The following ASIC2 variants were observed in gnomAD, a reference collection of about 807,000 sequenced individuals.
The protein encoded by ASIC2 is acid-sensing ion channel 2.
A neutral mutation model predicts 57.3 loss-of-function variants in ASIC2; 25 were observed. That is an observed-to-expected ratio of 0.44 (90% CI 0.32 to 0.61). The LOEUF is 0.61. Ranked by LOEUF, ASIC2 falls within the 20% of genes least tolerant of loss-of-function variation. ASIC2 has a pLI of 0.06. For synonymous variants in ASIC2, 319 were observed against 307.5 expected, an observed-to-expected ratio of 1.04 and a Z score of -0.39; for missense variants, 641 against 738.1, an observed-to-expected ratio of 0.87 and a Z score of 1.52.
intron 3 of ASIC2, among the ~76,000 whole-genome samples, chr17:33,056,575 C>T (rs2091998913): frequency 6.6e-6 from 1 of 152,118 alleles, no homozygotes; most frequent in Admixed American, 6.6e-5. Flanking sequence ...CTGACATCCC[C>T]ACTGTAATGT....
chr17:33,917,928 G>A (rs1033670077), intron 1 of ASIC2, among the ~76,000 whole-genome samples: 3 of 143,220 alleles, frequency 2.1e-5, no homozygotes, highest in African/African-American at 8.2e-5. Flanking sequence ...ACTGAATAAC[G>A]TGAACTCTCA....
At chr17:33,149,067 G>A (rs1032239693) in intron 1 of ASIC2, among the ~76,000 whole-genome samples, 5 of 152,068 alleles carry the variant, frequency 3.3e-5, no homozygotes, top group Admixed American at 6.5e-5. Flanking sequence ...GCACTCCAGC[G>A]TGGGTGACAG....
intron 1 of ASIC2, among the ~76,000 whole-genome samples, chr17:33,602,912 TCCAGAGC>T (rs1905144446): frequency 6.6e-6 from 1 of 152,194 alleles, no homozygotes; most frequent in African/African-American, 2.4e-5. Context: ...TGTTTTATCC[TCCAGAGC>T]CCACTCTAGA....
chr17:33,068,718 G>A (rs976630431), intron 3 of ASIC2, among the ~76,000 whole-genome samples: 1 of 152,116 alleles, frequency 6.6e-6, no homozygotes, highest in East Asian at 1.9e-4. Flanking sequence ...CACTTTTAAT[G>A]ATAACTTGTG....
At chr17:33,800,380 G>C (rs1183898390) in intron 1 of ASIC2, among the ~76,000 whole-genome samples, 1 of 152,172 alleles carries the variant, frequency 6.6e-6, no homozygotes, top group African/African-American at 2.4e-5. Flanking sequence ...TATGACTCCA[G>C]AGTTTCTGTG....
chr17:34,087,230 T>C (rs370536905), intron 1 of ASIC2, among the ~76,000 whole-genome samples: 2 of 151,884 alleles, frequency 1.3e-5, no homozygotes, highest in South Asian at 2.1e-4. Context: ...TTTAGGGCAG[T>C]CCTGGTGGTG....
chr17:34,073,294 A>C (rs961300357), intron 1 of ASIC2, among the ~76,000 whole-genome samples: 3 of 152,236 alleles, frequency 2.0e-5, no homozygotes, highest in African/African-American at 7.2e-5. Flanking sequence ...AGAAATGTAC[A>C]AGTATGTCTA....
chr17:33,770,314 C>A (rs921771436), intron 1 of ASIC2, among the ~76,000 whole-genome samples: 3 of 152,184 alleles, frequency 2.0e-5, no homozygotes, highest in Admixed American at 1.3e-4. Flanking sequence ...CTCCCTGACC[C>A]CTAGTGTCTT....
intron 1 of ASIC2, among the ~76,000 whole-genome samples, chr17:34,111,603 T>G (rs190661026): frequency 6.6e-6 from 1 of 152,192 alleles, no homozygotes; most frequent in African/African-American, 2.4e-5. Context: ...TTGACACTTA[T>G]TGTTTTTGAT....
intron 1 of ASIC2, among the ~76,000 whole-genome samples, chr17:33,370,305 C>G (rs1300669150): frequency 1.3e-5 from 2 of 152,192 alleles, no homozygotes; most frequent in African/African-American, 2.4e-5. Flanking sequence ...CAAAGAACAC[C>G]ACCCCCAACC....
intron 1 of ASIC2, among the ~76,000 whole-genome samples, chr17:33,621,276 T>G (rs1359596648): frequency 6.6e-6 from 1 of 152,226 alleles, no homozygotes; most frequent in African/African-American, 2.4e-5. Context: ...CCTTGTCTAT[T>G]TAATTTACCA....
At chr17:33,226,854 A>T (rs1173339690) in intron 1 of ASIC2, among the ~76,000 whole-genome samples, 1 of 152,226 alleles carries the variant, frequency 6.6e-6, no homozygotes, top group Non-Finnish European at 1.5e-5. Flanking sequence ...ATTTTCTAGT[A>T]GTCCTTAAGA....
intron 1 of ASIC2, among the ~76,000 whole-genome samples, chr17:33,892,460 C>T (rs1207103296): frequency 6.6e-6 from 1 of 152,050 alleles, no homozygotes; most frequent in African/African-American, 2.4e-5. Flanking sequence ...CACCTGGCAA[C>T]CTCCTCATCA....
chr17:33,274,258 C>G (rs1359041240), intron 1 of ASIC2, among the ~76,000 whole-genome samples: 1 of 152,220 alleles, frequency 6.6e-6, no homozygotes, highest in Non-Finnish European at 1.5e-5. Context: ...GAAACCAAGT[C>G]TGCTCCAACA....
At chr17:33,313,969 A>G (rs560656129) in intron 1 of ASIC2, among the ~76,000 whole-genome samples, 1 of 151,784 alleles carries the variant, frequency 6.6e-6, no homozygotes, top group African/African-American at 2.4e-5. Flanking sequence ...CTCACAGAGG[A>G]TGTGTTATTT....
chr17:33,385,913 G>T (rs899014981), intron 1 of ASIC2, among the ~76,000 whole-genome samples: 6 of 152,216 alleles, frequency 3.9e-5, no homozygotes, highest in African/African-American at 1.4e-4. Context: ...TGAGCCAGGG[G>T]CTCTTATGAT....
chr17:33,046,206 C>G (rs1311204299), intron 3 of ASIC2, among the ~76,000 whole-genome samples: 1 of 152,106 alleles, frequency 6.6e-6, no homozygotes, highest in Non-Finnish European at 1.5e-5. Context: ...GTGACAAGGG[C>G]AGGGGATTGG....
intron 3 of ASIC2, among the ~76,000 whole-genome samples, chr17:33,067,921 C>A (rs1271722055): frequency 6.6e-6 from 1 of 152,156 alleles, no homozygotes; most frequent in Non-Finnish European, 1.5e-5. Flanking sequence ...CCCTGCAGAG[C>A]AGCCTGGGCC....
chr17:33,373,714 G>C (rs927293056), intron 1 of ASIC2, among the ~76,000 whole-genome samples: 1 of 151,868 alleles, frequency 6.6e-6, no homozygotes, highest in African/African-American at 2.4e-5. Context: ...GTCTTGCTCT[G>C]TTGCCCAGGC....
Sources: gnomAD v4.1 joint callset for allele counts (sites outside exome capture counted in the v4.1 genomes callset) on GRCh38, gnomAD v4.1.1 for gene constraint, MANE v1.5 for transcripts, NCBI Gene and HGNC (gene_info 2026-07-23, HGNC 2026-07-21) for gene names.